IKZF3: variants seen among roughly 807,000 people sequenced by gnomAD.
The protein encoded by IKZF3 is zinc finger protein Aiolos.
A neutral mutation model predicts 49.0 loss-of-function variants in IKZF3; 10 were observed. The ratio of observed to expected loss-of-function variants is 0.20; its 90% confidence interval spans 0.13 to 0.35. The LOEUF (loss-of-function observed/expected upper bound fraction) is 0.35, where lower values mean the gene tolerates loss of function less well. Among genes scored for constraint, IKZF3 ranks in the 10% least tolerant of loss-of-function variants. The pLI is 1.00. For missense variants in IKZF3, 498 were observed against 664.8 expected (o/e 0.75, Z 2.76); for synonymous variants, 209 against 228.2 (o/e 0.92, Z 0.76).
intron 3 of IKZF3, among the ~76,000 whole-genome samples, chr17:39,803,153 G>A (rs1177332188): frequency 2.0e-5 from 3 of 152,150 alleles, no homozygotes; most frequent in Non-Finnish European, 4.4e-5. Flanking sequence ...ATGTCATGGG[G>A]CCAGGTATAA....
At chr17:39,816,393 C>T (rs1358292631) in intron 3 of IKZF3, among the ~76,000 whole-genome samples, 1 of 152,172 alleles carries the variant, frequency 6.6e-6, no homozygotes, top group Admixed American at 6.5e-5. Flanking sequence ...TAAATGTATA[C>T]ACTAGGTTAG....
chr17:39,779,727 T>C (rs1033731837), intron 6 of IKZF3, among the ~76,000 whole-genome samples: 10 of 149,468 alleles, frequency 6.7e-5, no homozygotes, highest in Admixed American at 1.3e-4. Context: ...CTGGCTGCAC[T>C]TGCCTAGAGC....
rs2060971539 is a variant in IKZF3 at position 39,789,885 on chromosome 17, C to T, written c.593-1511G>A. Among the ~76,000 whole-genome samples the T allele has an allele frequency of 2.6e-5, 3 of 116,866 alleles. No homozygotes were observed. The South Asian group carries it at 8.2e-4, about 32-fold the overall frequency. The allele number at this position is 116,866 out of a possible 152,430, so 76.7% of individuals were successfully genotyped here. A position where few individuals can be genotyped will look rare whatever the true frequency, so the allele number is the denominator to read the frequency against. On this transcript the variant is annotated intron_variant, in intron 5 of 7. Transcript: ENST00000346872. ...CACTGCAACAGCCTAGGCAACAGAG[C>T]AAGACTCCGTCTCAAAAAAAAAAAA...
intron 1 of IKZF3, among the ~76,000 whole-genome samples, chr17:39,843,080 G>A (rs556835079): frequency 6.6e-6 from 1 of 152,328 alleles, no homozygotes; most frequent in South Asian, 2.1e-4. Flanking sequence ...CTGAAGAACT[G>A]TTCCAGACTG....
Position 39,765,568 on chromosome 17 carries a change from C to T in IKZF3, c.*222G>A. The T allele has an allele frequency of 2.1e-6, 1 of 479,048 alleles. No individual in the cohort carries two copies. Among genetic ancestry groups the T allele is most frequent in the Non-Finnish European group, 3.7e-6 (1 of 270,762 alleles). 29.7% of individuals were successfully genotyped at this position (479,048 alleles called of 1,614,324 possible). On this transcript the variant is annotated 3_prime_UTR_variant, in exon 8 of 8. Transcript: ENST00000346872. ...TTTAAATTCCATAAAATTCAAGTCC[C>T]TGATGGGAAAACAAAGGTTTCACAA...
At chr17:39,850,924 A>G (rs1647617386) in intron 1 of IKZF3, among the ~76,000 whole-genome samples, 2 of 133,334 alleles carry the variant, frequency 1.5e-5, no homozygotes, top group African/African-American at 6.2e-5. Flanking sequence ...ATATATACAT[A>G]TATTATATAT....
intron 1 of IKZF3, chr17:39,839,603 A>G (rs1442337244): frequency 7.2e-6 from 3 of 418,600 alleles, no homozygotes; most frequent in Non-Finnish European, 1.4e-5. Flanking sequence ...TATTTTTTTT[A>G]GACAGGGTCT....
At chr17:39,827,317 A>T (rs1002412749) in intron 3 of IKZF3, among the ~76,000 whole-genome samples, 17 of 146,938 alleles carry the variant, frequency 1.2e-4, no homozygotes, top group Non-Finnish European at 2.4e-4. Flanking sequence ...CTTTTGAGAC[A>T]GGATCTCACT....
At chr17:39,826,346 G>T (rs925834263) in intron 3 of IKZF3, among the ~76,000 whole-genome samples, 1 of 152,214 alleles carries the variant, frequency 6.6e-6, no homozygotes, top group African/African-American at 2.4e-5. Context: ...CCTGGCTGTG[G>T]ATGGTAGTTT....
intron 1 of IKZF3, among the ~76,000 whole-genome samples, chr17:39,837,001 G>A (rs1284934611): frequency 1.3e-5 from 2 of 151,970 alleles, no homozygotes; most frequent in Non-Finnish European, 2.9e-5. Context: ...GCACAATCAT[G>A]GTTCACTGCA....
intron 1 of IKZF3, among the ~76,000 whole-genome samples, chr17:39,853,542 A>T (rs981015940): frequency 2.6e-4 from 39 of 152,238 alleles, no homozygotes; most frequent in African/African-American, 9.1e-4. Context: ...TTTTTATTTT[A>T]AAAAAATAAC....
At chr17:39,772,279 G>A (rs925575270) in intron 7 of IKZF3, among the ~76,000 whole-genome samples, 1 of 151,846 alleles carries the variant, frequency 6.6e-6, no homozygotes, top group African/African-American at 2.4e-5. Context: ...TTGAAGAGGG[G>A]GGCAAAATGA....
rs778474556 is a variant in IKZF3 at position 39,788,384 on chromosome 17, G to A, written c.593-10C>T. ...TTGTAGGGTTTCTCCACTAGAAGGA[G>A]AACATAAGGGGCACTCAGTGACCCT... On this transcript the variant is annotated splice_polypyrimidine_tract_variant and intron_variant, in intron 5 of 7. Transcript: ENST00000346872. 1 of 1,577,290 alleles carries A rather than the reference G, an allele frequency of 6.3e-7. No homozygotes were observed. Among genetic ancestry groups the A allele is most frequent in the Admixed American group, 1.7e-5 (1 of 59,980 alleles).
chr17:39,791,392 G>C, intron 5 of IKZF3, 24 bp downstream of exon 5: 1 of 1,611,700 alleles, frequency 6.2e-7, no homozygotes, highest in Non-Finnish European at 8.5e-7. Flanking sequence ...TCCTAGACAA[G>C]GAATGCTCAT....
intron 3 of IKZF3, among the ~76,000 whole-genome samples, chr17:39,800,803 G>A (rs530712657): frequency 4.3e-4 from 66 of 152,268 alleles, no homozygotes; most frequent in Non-Finnish European, 8.7e-4. Context: ...TTTCACCTGA[G>A]ACACTGCAAA....
At chr17:39,860,133 G>A (rs754158986) in intron 1 of IKZF3, among the ~76,000 whole-genome samples, 6 of 152,078 alleles carry the variant, frequency 3.9e-5, no homozygotes. Context: ...CCAGGTTATG[G>A]TGGTGGATGC....
intron 3 of IKZF3, among the ~76,000 whole-genome samples, chr17:39,796,753 GGCCA>G (rs1040435123): frequency 7.4e-5 from 11 of 148,768 alleles, no homozygotes; most frequent in African/African-American, 2.2e-4. Flanking sequence ...TCACCATCTT[GGCCA>G]GGCTGGTCTT....
chr17:39,790,130 C>T (rs1349206242), intron 5 of IKZF3, among the ~76,000 whole-genome samples: 1 of 152,046 alleles, frequency 6.6e-6, no homozygotes, highest in African/African-American at 2.4e-5. Flanking sequence ...GTTTTAGGGG[C>T]TAAAATTTTT....
intron 1 of IKZF3, among the ~76,000 whole-genome samples, chr17:39,833,750 T>C (rs1054201060): frequency 2.6e-5 from 4 of 152,236 alleles, no homozygotes; most frequent in Non-Finnish European, 4.4e-5. Flanking sequence ...AATAAACTTT[T>C]AAATTTTAGA....
Sources: allele counts gnomAD v4.1 joint callset (sites outside exome capture counted in the v4.1 genomes callset), GRCh38; gene constraint gnomAD v4.1.1; transcripts MANE v1.5; gene names NCBI Gene and HGNC (gene_info 2026-07-23, HGNC 2026-07-21).